Variants in HMGCLL1 observed in about 807,000 individuals in gnomAD.
The protein encoded by HMGCLL1 is 3-hydroxymethyl-3-methylglutaryl-CoA lyase, cytoplasmic.
HMGCLL1 carries 36 observed loss-of-function variants against 39.1 expected under a neutral mutation model. The observed-to-expected ratio is 0.92, with a 90% CI of 0.71 to 1.22. The LOEUF (loss-of-function observed/expected upper bound fraction) is 1.22, where lower values mean the gene tolerates loss of function less well. HMGCLL1 is among the 50% of genes most tolerant of loss of function. HMGCLL1 has a pLI of 0.00. For missense variants in HMGCLL1, 451 were observed against 416.5 expected (o/e 1.08, Z -0.72); for synonymous variants, 149 against 144.0 (o/e 1.03, Z -0.25).
intron 8 of HMGCLL1, among the ~76,000 whole-genome samples, chr6:55,436,207 T>C (rs1301508299): frequency 3.3e-5 from 5 of 151,954 alleles, no homozygotes; most frequent in Non-Finnish European, 5.9e-5. Flanking sequence ...GCCATAAGGA[T>C]TACAGAAAAG....
intron 1 of HMGCLL1, among the ~76,000 whole-genome samples, chr6:55,568,484 A>G (rs1287419951): frequency 6.6e-6 from 1 of 152,150 alleles, no homozygotes; most frequent in Non-Finnish European, 1.5e-5. Flanking sequence ...TAAATATATT[A>G]ATTAATAGTG....
intron 1 of HMGCLL1, among the ~76,000 whole-genome samples, chr6:55,563,136 T>G (rs1296860758): frequency 1.3e-5 from 2 of 152,036 alleles, no homozygotes; most frequent in Non-Finnish European, 2.9e-5. Flanking sequence ...CAAGAACAAG[T>G]CTATAAGCAA....
chr6:55,576,943 A>G, intron 1 of HMGCLL1: 1 of 1,192,690 alleles, frequency 8.4e-7, no homozygotes, highest in Admixed American at 2.1e-5. Context: ...TCTGGACTGG[A>G]ATTCAAGAGA....
intron 5 of HMGCLL1, chr6:55,512,947 GAAAC>G (rs1767538311): frequency 6.6e-6 from 1 of 151,992 alleles, no homozygotes; most frequent in African/African-American, 2.4e-5. Flanking sequence ...TCTTCCTTAA[GAAAC>G]AAACACACAC....
intron 1 of HMGCLL1, among the ~76,000 whole-genome samples, chr6:55,543,166 TA>T (rs1285627143): frequency 1.2e-4 from 1 of 8,066 alleles, no homozygotes; most frequent in African/African-American, 2.7e-4. Context: ...ATTATATATA[TA>T]ATATATAATA....
chr6:55,628,399 T>C, the HMGCLL1 span, among the ~76,000 whole-genome samples: 1 of 150,294 alleles, frequency 6.7e-6, no homozygotes. Flanking sequence ...TCTCCTGGGT[T>C]CAAACAATTC....
At chr6:55,490,613 A>T (rs1242025528) in intron 7 of HMGCLL1, among the ~76,000 whole-genome samples, 2 of 151,920 alleles carry the variant, frequency 1.3e-5, no homozygotes, top group Non-Finnish European at 2.9e-5. Context: ...AAGATTAACC[A>T]CTTTCATTTT....
At chr6:55,437,606 T>C (rs538964352) in intron 8 of HMGCLL1, among the ~76,000 whole-genome samples, 1 of 152,120 alleles carries the variant, frequency 6.6e-6, no homozygotes, top group Non-Finnish European at 1.5e-5. Context: ...AAATATACCA[T>C]TAACCCTGGA....
the HMGCLL1 span, among the ~76,000 whole-genome samples, chr6:55,647,214 C>T: frequency 2.0e-5 from 3 of 151,836 alleles, no homozygotes. Flanking sequence ...CATAACTATA[C>T]TTAATCCTGC....
At chr6:55,576,539 G>C (rs374578905) in intron 1 of HMGCLL1, among the ~76,000 whole-genome samples, 1 of 152,188 alleles carries the variant, frequency 6.6e-6, no homozygotes, top group East Asian at 1.9e-4. Context: ...ATTTGAAATA[G>C]GGAACACTTT....
At chr6:55,568,568 G>C (rs1253584395) in intron 1 of HMGCLL1, among the ~76,000 whole-genome samples, 1 of 152,078 alleles carries the variant, frequency 6.6e-6, no homozygotes, top group East Asian at 1.9e-4. Context: ...TATTTCAGGG[G>C]TTATATTGGG....
chr6:55,513,732 A>G (rs1581881576), intron 5 of HMGCLL1: 2 of 331,062 alleles, frequency 6.0e-6, no homozygotes, highest in Non-Finnish European at 1.1e-5. Context: ...ATACCAACTT[A>G]TCAGCACATG....
intron 1 of HMGCLL1, among the ~76,000 whole-genome samples, chr6:55,566,870 C>T (rs1339636979): frequency 6.6e-6 from 1 of 152,186 alleles, no homozygotes; most frequent in South Asian, 2.1e-4. Context: ...AATTTTACTA[C>T]TCAAAGATAT....
At chr6:55,633,506 G>A in the HMGCLL1 span, among the ~76,000 whole-genome samples, 1 of 151,638 alleles carries the variant, frequency 6.6e-6, no homozygotes, top group East Asian at 2.0e-4. Flanking sequence ...CAAGCAGAAG[G>A]TAGACATATG....
chr6:55,506,541 G>A (rs1019425375), intron 5 of HMGCLL1, among the ~76,000 whole-genome samples: 1 of 151,612 alleles, frequency 6.6e-6, no homozygotes, highest in Non-Finnish European at 1.5e-5. Context: ...CAATTCATAA[G>A]CTTAAAATTG....
chr6:55,596,816 C>T, the HMGCLL1 span, among the ~76,000 whole-genome samples: 19 of 152,268 alleles, frequency 1.2e-4, no homozygotes, highest in African/African-American at 4.3e-4. Context: ...ATTTAACAAT[C>T]ATTTGCCAAG....
chr6:55,651,769 C>T, the HMGCLL1 span, among the ~76,000 whole-genome samples: 2 of 152,096 alleles, frequency 1.3e-5, no homozygotes, highest in African/African-American at 4.8e-5. Context: ...GTTACCACTA[C>T]TGGGATAGGT....
At chr6:55,500,424 A>G (rs574899109) in intron 5 of HMGCLL1, among the ~76,000 whole-genome samples, 1 of 152,186 alleles carries the variant, frequency 6.6e-6, no homozygotes, top group South Asian at 2.1e-4. Context: ...AAGATGCACT[A>G]TGAAATTCCT....
At chr6:55,569,957 G>C (rs1771395047) in intron 1 of HMGCLL1, among the ~76,000 whole-genome samples, 2 of 151,994 alleles carry the variant, frequency 1.3e-5, no homozygotes, top group Non-Finnish European at 2.9e-5. Flanking sequence ...TCAAATCAAA[G>C]GTGGCTTTAA....
Sources: allele counts gnomAD v4.1 joint callset (sites outside exome capture counted in the v4.1 genomes callset), GRCh38; gene constraint gnomAD v4.1.1; transcripts MANE v1.5; gene names NCBI Gene and HGNC (gene_info 2026-07-23, HGNC 2026-07-21).